Variants in EHBP1 observed in about 807,000 individuals in gnomAD.
EHBP1 encodes the protein EH domain-binding protein 1.
Under a neutral mutation model 144.0 loss-of-function variants are expected in EHBP1, and 55 were observed. That is an observed-to-expected ratio of 0.38 (90% CI 0.31 to 0.48). EHBP1 has a LOEUF of 0.48. Ranked by LOEUF, EHBP1 falls within the 20% of genes least tolerant of loss-of-function variation. The pLI is 0.98. For synonymous variants in EHBP1, 469 were observed against 472.7 expected (o/e 0.99, Z 0.10); for missense variants, 1,200 against 1,364.2 (o/e 0.88, Z 1.90).
At chr2:62,951,618 G>A (rs554938700) in intron 13 of EHBP1, among the ~76,000 whole-genome samples, 15 of 146,256 alleles carry the variant, frequency 1.0e-4, no homozygotes, top group African/African-American at 1.5e-4. Flanking sequence ...TTCTCCTCCC[G>A]GGTTCAAGTG....
At chr2:62,736,302 C>G (rs2038126858) in intron 2 of EHBP1, among the ~76,000 whole-genome samples, 3 of 145,918 alleles carry the variant, frequency 2.1e-5, no homozygotes, top group African/African-American at 7.6e-5. Context: ...TCTTGGCTCA[C>G]TGCAACTTCT....
chr2:62,798,492 G>C (rs964751682), intron 5 of EHBP1, among the ~76,000 whole-genome samples: 1 of 152,032 alleles, frequency 6.6e-6, no homozygotes, highest in African/African-American at 2.4e-5. Flanking sequence ...AAGAGTGTAG[G>C]CTCTGGACAT....
At chr2:62,968,757 C>A (rs559574141) in intron 14 of EHBP1, among the ~76,000 whole-genome samples, 1 of 152,268 alleles carries the variant, frequency 6.6e-6, no homozygotes, top group South Asian at 2.1e-4. Context: ...TAAACTGTTT[C>A]TTTACATTGA....
At chr2:62,954,203 G>A (rs1022987085) in intron 13 of EHBP1, among the ~76,000 whole-genome samples, 2 of 152,170 alleles carry the variant, frequency 1.3e-5, no homozygotes, top group Non-Finnish European at 2.9e-5. Flanking sequence ...ATGGAATGCA[G>A]TAAGTTTTTA....
At chr2:62,736,459 A>G (rs987221131) in intron 2 of EHBP1, among the ~76,000 whole-genome samples, 5 of 151,948 alleles carry the variant, frequency 3.3e-5, no homozygotes, top group African/African-American at 1.2e-4. Flanking sequence ...CCTGACCTCA[A>G]GTGATCCACC....
intron 10 of EHBP1, among the ~76,000 whole-genome samples, chr2:62,931,842 A>C (rs1035426240): frequency 1.3e-5 from 2 of 152,170 alleles, no homozygotes; most frequent in African/African-American, 2.4e-5. Context: ...ATATATAGAC[A>C]GCTCAATACT....
At chr2:62,965,830 A>G (rs1459807729) in intron 14 of EHBP1, among the ~76,000 whole-genome samples, 1 of 152,162 alleles carries the variant, frequency 6.6e-6, no homozygotes, top group East Asian at 1.9e-4. Context: ...TTAGTACCAA[A>G]TGATTTGTCA....
chr2:62,850,660 A>T (rs1408149814), intron 7 of EHBP1, among the ~76,000 whole-genome samples: 1 of 152,168 alleles, frequency 6.6e-6, no homozygotes, highest in Admixed American at 6.5e-5. Context: ...GTGAAACAAG[A>T]CTTTATAAAG....
chr2:62,715,161 C>G (rs1209241116), intron 2 of EHBP1, among the ~76,000 whole-genome samples: 1 of 152,160 alleles, frequency 6.6e-6, no homozygotes, highest in Non-Finnish European at 1.5e-5. Context: ...GTCACCCAGG[C>G]TGGAGTGCAG....
intron 2 of EHBP1, among the ~76,000 whole-genome samples, chr2:62,744,699 G>A (rs930019850): frequency 8.6e-5 from 13 of 152,014 alleles, no homozygotes; most frequent in Admixed American, 3.9e-4. Context: ...TTAGGAGACC[G>A]CCCTTCTTGC....
intron 1 of EHBP1, among the ~76,000 whole-genome samples, chr2:62,684,397 G>C (rs1327037471): frequency 6.6e-6 from 1 of 152,190 alleles, no homozygotes; most frequent in Non-Finnish European, 1.5e-5. Context: ...TTGGAGATGA[G>C]TGAATAGGTC....
At chr2:63,036,302 G>A (rs1348925308) in intron 19 of EHBP1, among the ~76,000 whole-genome samples, 2 of 151,962 alleles carry the variant, frequency 1.3e-5, no homozygotes, top group African/African-American at 4.8e-5. Context: ...GCTTTTATGT[G>A]AAAGAAACAT....
chr2:62,994,163 A>C, intron 18 of EHBP1, 186 bp downstream of exon 18: 1 of 374,480 alleles, frequency 2.7e-6, no homozygotes, highest in Non-Finnish European at 4.9e-6. Context: ...TGTCAGATAA[A>C]AAAAAATGAA....
At chr2:62,764,244 G>C in intron 3 of EHBP1, 22 bp from the exon 4 acceptor site, 1 of 1,495,476 alleles carries the variant, frequency 6.7e-7, no homozygotes. Flanking sequence ...TCATATTGAA[G>C]GTATCATTTT....
chr2:62,761,521 C>T (rs776583968), intron 3 of EHBP1, among the ~76,000 whole-genome samples: 4 of 152,268 alleles, frequency 2.6e-5, no homozygotes, highest in African/African-American at 7.2e-5. Flanking sequence ...GATCCCTTCT[C>T]GGTTCCTTGG....
chr2:62,790,232 G>A (rs2043083880), intron 5 of EHBP1, among the ~76,000 whole-genome samples: 1 of 152,200 alleles, frequency 6.6e-6, no homozygotes, highest in African/African-American at 2.4e-5. Context: ...AGAGTGGTTT[G>A]TCAGGTTGCT....
rs772377878 is a variant in EHBP1 at position 62,707,142 on chromosome 2, A to C, written c.-50A>C. ...TGCTTTGGACCCTCTGCATTATTAA[A>C]GCTGCTGTATTGCTAACCCAGAACT... On this transcript the variant is annotated 5_prime_UTR_variant, in exon 2 of 23. Transcript: ENST00000431489. The C allele has an allele frequency of 7.0e-7, 1 of 1,431,732 alleles. No individual in the cohort carries two copies. The highest frequency in any genetic ancestry group is 1.1e-5 in the South Asian group (1 of 87,324). The allele number at this position is 1,431,732 out of a possible 1,614,324, so 88.7% of individuals were successfully genotyped here. A position where few individuals can be genotyped will look rare whatever the true frequency, so the allele number is the denominator to read the frequency against.
chr2:62,785,744 A>G (rs2042757529), intron 5 of EHBP1, among the ~76,000 whole-genome samples: 1 of 151,966 alleles, frequency 6.6e-6, no homozygotes, highest in Non-Finnish European at 1.5e-5. Flanking sequence ...TTTTTCTTAC[A>G]TTGGTTTCTA....
rs530842410 is a variant in EHBP1 at position 62,719,566 on chromosome 2, G to A, written c.104+12271G>A. Among the ~76,000 whole-genome samples the A allele has an allele frequency of 5.3e-5, 8 of 152,298 alleles. 1 individual carries two copies. In the South Asian group the frequency reaches 1.5e-3, roughly 28 times the overall value. ...CAGCATCTGTTGGAAACCACACAAA[G>A]TATAGTTGGTCCTCTCTGTATCTAT... On this transcript the variant is annotated intron_variant, in intron 2 of 22. Coordinates refer to ENST00000431489, the MANE Select transcript of EHBP1 (RefSeq NM_001142616.3).
Sources: allele counts gnomAD v4.1 joint callset (sites outside exome capture counted in the v4.1 genomes callset), GRCh38; gene constraint gnomAD v4.1.1; transcripts MANE v1.5; gene names NCBI Gene and HGNC (gene_info 2026-07-23, HGNC 2026-07-21).